FGGY: variants seen among roughly 807,000 people sequenced by gnomAD.
FGGY encodes FGGY carbohydrate kinase domain containing, also known as FGGY carbohydrate kinase domain-containing protein.
A neutral mutation model predicts 71.3 loss-of-function variants in FGGY; 72 were observed. The ratio of observed to expected loss-of-function variants is 1.01; its 90% CI spans 0.84 to 1.23. FGGY has a LOEUF of 1.23. Among genes scored for constraint, FGGY ranks in the 50% most tolerant of loss-of-function variants. FGGY has a pLI of 0.00. For synonymous variants in FGGY, 251 were observed against 250.3 expected (o/e 1.00, Z -0.02); for missense variants, 668 against 682.3 (o/e 0.98, Z 0.23).
intron 8 of FGGY, among the ~76,000 whole-genome samples, chr1:59,579,939 C>T (rs1341506271): frequency 2.0e-5 from 3 of 152,234 alleles, no homozygotes; most frequent in Non-Finnish European, 4.4e-5. Flanking sequence ...CACACCACTG[C>T]AGCTGCCCTG....
At chr1:59,393,237 T>G (rs1246754515) in intron 5 of FGGY, 1 of 152,208 alleles carries the variant, frequency 6.6e-6, no homozygotes, top group Admixed American at 6.5e-5. Context: ...GACCTTTAAT[T>G]AACATTGACA....
At chr1:59,728,674 G>A (rs1178559470) in intron 14 of FGGY, among the ~76,000 whole-genome samples, 1 of 151,670 alleles carries the variant, frequency 6.6e-6, no homozygotes, top group Non-Finnish European at 1.5e-5. Context: ...GGTTAGTGAG[G>A]TTTTTCTTTT....
At chr1:59,655,957 C>T (rs965307348) in intron 11 of FGGY, among the ~76,000 whole-genome samples, 4 of 152,088 alleles carry the variant, frequency 2.6e-5, no homozygotes, top group Admixed American at 6.5e-5. Context: ...TGGCATACAC[C>T]GCTAACCTCG....
intron 14 of FGGY, among the ~76,000 whole-genome samples, chr1:59,723,568 G>GT (rs1259987320): frequency 2.7e-5 from 4 of 149,392 alleles, no homozygotes; most frequent in African/African-American, 9.9e-5. Context: ...TTTTTTGGGG[G>GT]GGGGTGGTTG....
At chr1:59,374,799 A>G (rs1365626556) in intron 4 of FGGY, among the ~76,000 whole-genome samples, 1 of 151,598 alleles carries the variant, frequency 6.6e-6, no homozygotes, top group African/African-American at 2.4e-5. Context: ...TCAGTAAACT[A>G]TCGCAAGAAC....
chr1:59,733,246 A>C (rs933192363), intron 14 of FGGY: 1 of 153,988 alleles, frequency 6.5e-6, no homozygotes, highest in Non-Finnish European at 1.5e-5. Flanking sequence ...TCAAGCCAGA[A>C]GACACGAGAC....
chr1:59,687,500 T>C (rs1352473701), intron 14 of FGGY, among the ~76,000 whole-genome samples: 1 of 151,746 alleles, frequency 6.6e-6, no homozygotes, highest in Non-Finnish European at 1.5e-5. Context: ...ACAGTCTCAC[T>C]CTGTCGCCCA....
rs61393856 is a variant in FGGY at position 59,461,799 on chromosome 1, T to TGTTTTG, written c.670+4723_670+4724insGTTTTG. Among the ~76,000 whole-genome samples, 843 of 144,048 alleles carry TGTTTTG rather than the reference T, an allele frequency of 5.9e-3. 4 individuals are homozygous for TGTTTTG. The highest frequency in any genetic ancestry group is 0.024 in the African/African-American group (815 of 33,762). The allele number at this position is 144,048 out of a possible 152,430, so 94.5% of individuals were successfully genotyped here. Reference sequence around the variant, plus strand: ...TGTTTTGTTTTGTTTTGTTTTGTTTTTTATTTTATTGTATTTTATTTTTTT... The same window carrying TGTTTTG: ...TGTTTTGTTTTGTTTTGTTTTGTTTTGTTTTGTTATTTTATTGTATTTTATTTTTTT... On this transcript the variant is annotated intron_variant, in intron 6 of 15. Transcript: ENST00000303721.
intron 14 of FGGY, among the ~76,000 whole-genome samples, chr1:59,685,138 C>T (rs2097534255): frequency 6.6e-6 from 1 of 152,184 alleles, no homozygotes; most frequent in South Asian, 2.1e-4. Context: ...CTTTGGAGGG[C>T]ACCTATAGCT....
intron 10 of FGGY, among the ~76,000 whole-genome samples, chr1:59,630,694 T>C (rs990391052): frequency 2.0e-5 from 3 of 152,196 alleles, no homozygotes; most frequent in Non-Finnish European, 4.4e-5. Context: ...TTGAGTAGCT[T>C]CTGTTGCAAA....
intron 8 of FGGY, among the ~76,000 whole-genome samples, chr1:59,586,903 T>C (rs1388142883): frequency 6.6e-6 from 1 of 152,126 alleles, no homozygotes; most frequent in East Asian, 1.9e-4. Context: ...CCATCTGAGG[T>C]ACCGGGTTCA....
At chr1:59,714,608 A>C (rs1335067849) in intron 14 of FGGY, among the ~76,000 whole-genome samples, 5 of 152,232 alleles carry the variant, frequency 3.3e-5, no homozygotes, top group Admixed American at 3.3e-4. Context: ...TTAAATTCAC[A>C]TGCATAAAAA....
intron 4 of FGGY, among the ~76,000 whole-genome samples, chr1:59,363,767 C>T (rs1357031387): frequency 6.6e-6 from 1 of 152,182 alleles, no homozygotes; most frequent in Non-Finnish European, 1.5e-5. Context: ...GGACCAGTGC[C>T]CTCCTCAAGG....
At chr1:59,709,141 C>T (rs1218613651) in intron 14 of FGGY, among the ~76,000 whole-genome samples, 1 of 152,098 alleles carries the variant, frequency 6.6e-6, no homozygotes, top group Non-Finnish European at 1.5e-5. Context: ...AAAGATACTA[C>T]CTGAGACTGG....
intron 1 of FGGY, among the ~76,000 whole-genome samples, chr1:59,304,410 T>C (rs1358153104): frequency 6.6e-6 from 1 of 152,124 alleles, no homozygotes; most frequent in Non-Finnish European, 1.5e-5. Context: ...GGGTTTTCTA[T>C]TGGTTCCATT....
intron 2 of FGGY, among the ~76,000 whole-genome samples, chr1:59,335,708 G>C (rs980755205): frequency 7.2e-5 from 11 of 152,058 alleles, no homozygotes; most frequent in African/African-American, 2.7e-4. Flanking sequence ...TAATATTCTA[G>C]TAAGTGTGCA....
intron 4 of FGGY, among the ~76,000 whole-genome samples, chr1:59,361,146 A>G (rs2055420785): frequency 6.6e-6 from 1 of 152,218 alleles, no homozygotes; most frequent in African/African-American, 2.4e-5. Context: ...AGAAATAAAA[A>G]TATTGTGGTG....
chr1:59,529,223 A>G (rs1270349113), intron 7 of FGGY, among the ~76,000 whole-genome samples: 1 of 152,244 alleles, frequency 6.6e-6, no homozygotes, highest in Non-Finnish European at 1.5e-5. Flanking sequence ...CAGGAATTTT[A>G]AAAAGGGAAG....
chr1:59,623,669 C>T (rs891056249), intron 9 of FGGY, among the ~76,000 whole-genome samples: 8 of 152,184 alleles, frequency 5.3e-5, no homozygotes, highest in Non-Finnish European at 1.2e-4. Context: ...CTCCTCCAAA[C>T]TCTACCTATT....
Sources: allele counts gnomAD v4.1 joint callset (sites outside exome capture counted in the v4.1 genomes callset), GRCh38; gene constraint gnomAD v4.1.1; transcripts MANE v1.5; gene names NCBI Gene and HGNC (gene_info 2026-07-23, HGNC 2026-07-21).